The following PPP1R14C variants were observed in gnomAD, a reference collection of about 807,000 sequenced individuals.
The protein encoded by PPP1R14C is protein phosphatase 1 regulatory subunit 14C.
A neutral mutation model predicts 20.4 loss-of-function variants in PPP1R14C; 16 were observed. The observed-to-expected ratio is 0.78, with a 90% CI of 0.53 to 1.19. The LOEUF (loss-of-function observed/expected upper bound fraction) is 1.19. Ranked by LOEUF, PPP1R14C falls within the 50% of genes most tolerant of loss-of-function variation. The pLI is 0.00. For synonymous variants in PPP1R14C, 91 were observed against 91.0 expected (o/e 1.00, Z 0.00); for missense variants, 211 against 220.1 (o/e 0.96, Z 0.26).
At chr6:150,213,785 C>T (rs369420431) in intron 1 of PPP1R14C, among the ~76,000 whole-genome samples, 3 of 152,238 alleles carry the variant, frequency 2.0e-5, no homozygotes, top group South Asian at 4.1e-4. Context: ...CCAAATCCAT[C>T]TGGCCCTTCT....
At chr6:150,198,572 T>C (rs1777838445) in intron 1 of PPP1R14C, among the ~76,000 whole-genome samples, 1 of 152,184 alleles carries the variant, frequency 6.6e-6, no homozygotes, top group Non-Finnish European at 1.5e-5. Context: ...TGGAAGATGG[T>C]TTTCTTGACG....
Position 150,249,109 on chromosome 6 carries a change from A to G in PPP1R14C, c.*289A>G, listed in dbSNP as rs574311784. The stretch of plus-strand genomic sequence containing the variant: ...GGAGGTGGACACTCAAGGAAGGGCC[A>G]CGCCAGGCTGCGTTTCCTGCAAGGA... On this transcript the variant is annotated 3_prime_UTR_variant, in exon 4 of 4. Coordinates refer to ENST00000361131, the MANE Select transcript of PPP1R14C (RefSeq NM_030949.3). 2.4e-5 allele frequency: 10 copies of G among 412,878 alleles called. No individual in the cohort carries two copies. The highest frequency in any genetic ancestry group is 1.8e-4 in the African/African-American group (9 of 48,986). The allele number at this position is 412,878 out of a possible 1,614,324, so 25.6% of individuals were successfully genotyped here. A position where few individuals can be genotyped will look rare whatever the true frequency, so the allele number is the denominator to read the frequency against.
intron 3 of PPP1R14C, among the ~76,000 whole-genome samples, chr6:150,221,925 G>A (rs936210323): frequency 6.6e-6 from 1 of 151,928 alleles, no homozygotes; most frequent in Non-Finnish European, 1.5e-5. Context: ...CAGCCCCCCG[G>A]GTAGCTGAGA....
chr6:150,189,738 C>G (rs1007210026), intron 1 of PPP1R14C, among the ~76,000 whole-genome samples: 1 of 152,142 alleles, frequency 6.6e-6, no homozygotes, highest in Non-Finnish European at 1.5e-5. Context: ...TTGAAACCTT[C>G]GAAACCTTTC....
At chr6:150,193,661 G>C (rs961669325) in intron 1 of PPP1R14C, among the ~76,000 whole-genome samples, 1 of 152,112 alleles carries the variant, frequency 6.6e-6, no homozygotes, top group Non-Finnish European at 1.5e-5. Context: ...TCTGGAGGAG[G>C]GAGGGGATGA....
intron 2 of PPP1R14C, among the ~76,000 whole-genome samples, chr6:150,215,214 G>C (rs1303867801): frequency 2.0e-5 from 3 of 152,214 alleles, no homozygotes; most frequent in Non-Finnish European, 4.4e-5. Context: ...TGGTCTCACA[G>C]TTGTGGACTG....
rs142294011 is a variant in PPP1R14C, at chr6:150,184,485, A to G, written c.307-30259A>G. ...TAAGTTCACTCTGTGATGTTTGCAC[A>G]ATGACAGAATCACCTATGGATGCAT... On this transcript the variant is annotated intron_variant, in intron 1 of 3. Transcript: ENST00000361131. Among the ~76,000 whole-genome samples the G allele has an allele frequency of 3.3e-3, 499 of 152,306 alleles. 5 individuals carry two copies. The highest frequency in any genetic ancestry group is 0.012 in the African/African-American group (486 of 41,556).
In PPP1R14C at chr6:150,143,515, C is replaced by A; in HGVS notation, c.306+17C>A. 1 of 1,003,064 alleles carries A rather than the reference C, an allele frequency of 1.0e-6. No homozygotes were observed. Among genetic ancestry groups the A allele is most frequent in the Non-Finnish European group, 1.5e-6 (1 of 673,914 alleles). The allele number at this position is 1,003,064 out of a possible 1,614,324, so 62.1% of individuals were successfully genotyped here. A position where few individuals can be genotyped will look rare whatever the true frequency, so the allele number is the denominator to read the frequency against. On this transcript the variant is annotated intron_variant, in intron 1 of 3. Transcript: ENST00000361131. This position sits in a 1 kb window ranked among gnomAD's most constrained non-coding sequence, Gnocchi z 5.6. ...GGCTGCGAGGTACCTGGGCGCGGGG[C>A]TGGGAGGGTCGGGGACCTCTCTAGC...
intron 3 of PPP1R14C, among the ~76,000 whole-genome samples, chr6:150,220,907 G>C (rs1172573384): frequency 6.6e-6 from 1 of 152,192 alleles, no homozygotes; most frequent in Non-Finnish European, 1.5e-5. Context: ...CGGAGGGTCA[G>C]GAGATGAAAG....
intron 1 of PPP1R14C, among the ~76,000 whole-genome samples, chr6:150,195,478 G>A (rs981588476): frequency 3.3e-5 from 5 of 152,132 alleles, no homozygotes; most frequent in African/African-American, 4.8e-5. Flanking sequence ...CTCCTGAGTA[G>A]CTGGAACTAC....
At chr6:150,175,778 G>T (rs1777555232) in intron 1 of PPP1R14C, among the ~76,000 whole-genome samples, 1 of 152,138 alleles carries the variant, frequency 6.6e-6, no homozygotes, top group South Asian at 2.1e-4. Context: ...GTATGAGGCT[G>T]GTGTTTTCTC....
intron 1 of PPP1R14C, among the ~76,000 whole-genome samples, chr6:150,187,954 A>G (rs1318703315): frequency 6.6e-6 from 1 of 152,240 alleles, no homozygotes; most frequent in Non-Finnish European, 1.5e-5. Context: ...TCCCAAAGAT[A>G]TATGTTACAC....
At chr6:150,168,303 G>A (rs927932322) in intron 1 of PPP1R14C, among the ~76,000 whole-genome samples, 7 of 151,640 alleles carry the variant, frequency 4.6e-5, no homozygotes, top group East Asian at 2.0e-4. Flanking sequence ...TTGGGAGGCC[G>A]AGGCGGGCAG....
At chr6:150,193,058 A>T (rs1159539477) in intron 1 of PPP1R14C, among the ~76,000 whole-genome samples, 1 of 152,178 alleles carries the variant, frequency 6.6e-6, no homozygotes, top group African/African-American at 2.4e-5. Flanking sequence ...CTGTTGTTTA[A>T]GTACAGAGTA....
At chr6:150,150,157 T>C (rs574884426) in intron 1 of PPP1R14C, among the ~76,000 whole-genome samples, 1 of 152,360 alleles carries the variant, frequency 6.6e-6, no homozygotes, top group South Asian at 2.1e-4. Flanking sequence ...ATCATAGACA[T>C]GGCGAGGGCA....
chr6:150,215,620 C>T (rs1778082102), intron 2 of PPP1R14C, among the ~76,000 whole-genome samples: 1 of 152,170 alleles, frequency 6.6e-6, no homozygotes, highest in Admixed American at 6.5e-5. Flanking sequence ...GGTGAACAGT[C>T]TCAATTATGA....
chr6:150,180,456 A>G (rs920179758), intron 1 of PPP1R14C, among the ~76,000 whole-genome samples: 6 of 152,132 alleles, frequency 3.9e-5, no homozygotes, highest in African/African-American at 1.4e-4. Flanking sequence ...TGTGAGAGCT[A>G]TACGTGGCAG....
intron 3 of PPP1R14C, among the ~76,000 whole-genome samples, chr6:150,242,000 A>T (rs986757198): frequency 2.0e-4 from 30 of 152,260 alleles, no homozygotes; most frequent in African/African-American, 6.0e-4. Flanking sequence ...TGGTGACATG[A>T]GGTATTCTGT....
chr6:150,180,146 G>C (rs1259631985), intron 1 of PPP1R14C, among the ~76,000 whole-genome samples: 1 of 152,214 alleles, frequency 6.6e-6, no homozygotes, highest in Non-Finnish European at 1.5e-5. Context: ...AGGTTGCAGT[G>C]AGCCGAGATT....
Sources: allele counts gnomAD v4.1 joint callset (sites outside exome capture counted in the v4.1 genomes callset), GRCh38; gene constraint gnomAD v4.1.1; non-coding constraint Gnocchi (gnomAD v3.1); transcripts MANE v1.5; gene names NCBI Gene and HGNC (gene_info 2026-07-23, HGNC 2026-07-21).